Variants in ABHD8 observed in about 807,000 individuals in gnomAD.
ABHD8 encodes the protein abhydrolase domain containing 8.
In ABHD8, 10 loss-of-function variants were observed where a neutral mutation model predicts 29.3. The ratio of observed to expected loss-of-function variants is 0.34; its 90% CI spans 0.21 to 0.58. ABHD8 has a LOEUF of 0.58. Ranked by LOEUF, ABHD8 falls within the 20% of genes least tolerant of loss-of-function variation. The probability of loss-of-function intolerance (pLI) is 0.85; values close to 1 mark genes in which losing one functional copy is unlikely to be tolerated. For synonymous variants in ABHD8, 282 were observed against 274.6 expected (o/e 1.03, Z -0.27); for missense variants, 556 against 615.3 (o/e 0.90, Z 1.02).
At chr19:17,294,155 C>A in intron 4 of ABHD8, 133 bp downstream of exon 4, 1 of 1,129,488 alleles carries the variant, frequency 8.9e-7, no homozygotes, top group Non-Finnish European at 1.2e-6. Flanking sequence ...AGGCCACGCC[C>A]ACCCGGCAGC....
chr19:17,294,360 G>A lies in ABHD8; in HGVS notation c.1077C>T (p.Thr359=), dbSNP rs776978981. The change falls in exon 4 of 5, where the codon ACC becomes ACT. Residue 359 remains threonine (T), a synonymous_variant. Transcript: ENST00000247706. ...EGDEVYHAEL[T]VPVLLVHGMH... is the part of the protein sequence containing the mutation. The stretch of plus-strand genomic sequence containing the variant: ...TGCCGTGGACAAGCAGGACGGGCAC[G>A]GTGAGCTCGGCGTGGTAGACCTCGT... 2 of 1,613,620 alleles carry A rather than the reference G, an allele frequency of 1.2e-6. No individual in the cohort carries two copies. The highest frequency in any genetic ancestry group is 8.5e-7 in the Non-Finnish European group (1 of 1,180,004).
rs1433650899 is a variant in ABHD8 at position 17,294,588 on chromosome 19, C to T, written c.933-84G>A. 2.5e-6 allele frequency: 4 copies of T among 1,605,640 alleles called. No homozygotes were observed. The Admixed American group carries it at 5.0e-5, about 20-fold the overall frequency. ...CCCCCGATGCCAGCCCTAGTCCCAGCGGTACAGTCCCCCCTCCCATCCAAC... is the reference window on the plus strand; with the variant it reads ...CCCCCGATGCCAGCCCTAGTCCCAGTGGTACAGTCCCCCCTCCCATCCAAC... On this transcript the variant is annotated intron_variant, in intron 3 of 4. Coordinates refer to ENST00000247706, the MANE Select transcript of ABHD8 (RefSeq NM_024527.5).
At position 17,301,603 on chromosome 19, in the gene ABHD8, A is replaced by C; in HGVS notation, c.14T>G (p.Val5Gly). 1 of 1,554,450 alleles carries C rather than the reference A, an allele frequency of 6.4e-7. No individual in the cohort carries two copies. Residue 5 changes from valine to glycine, a missense_variant, in exon 2 of 5, where the codon GTG becomes GGG. Val to Gly is a moderately radical substitution (Grantham distance 109). Around this residue, in one of 2 missense-constraint regions of ABHD8, gnomAD observed 286 missense variants for 261.4 expected, o/e 1.09. Transcript: ENST00000247706. Reference sequence around the variant, plus strand: ...CAGGCAACAGAAGATACCGTCGGTCACCCCGGTCAGCATGGTGTGTCCTGT... The same window carrying C: ...CAGGCAACAGAAGATACCGTCGGTCCCCCCGGTCAGCATGGTGTGTCCTGT... MLTGVTDGIFCCLLG... is the reference protein window; with the variant it reads MLTGGTDGIFCCLLG...
Position 17,294,378 on chromosome 19 carries a change from G to C in ABHD8, c.1059C>G (p.Val353=). ...CGGGCACGGTGAGCTCGGCGTGGTA[G>C]ACCTCGTCGCCCTCGGGCCAGTACT... The part of the protein sequence containing the change: ...SGQYWPEGDE[V]YHAELTVPVL... Residue 353 remains valine, a synonymous_variant, in exon 4 of 5, where the codon GTC becomes GTG. Transcript: ENST00000247706. 1.2e-6 allele frequency: 2 copies of C among 1,613,942 alleles called. No individual in the cohort carries two copies. Among genetic ancestry groups the C allele is most frequent in the Non-Finnish European group, 1.7e-6 (2 of 1,180,012 alleles).
intron 4 of ABHD8, among the ~76,000 whole-genome samples, chr19:17,293,349 G>T (rs1407305444): frequency 6.6e-6 from 1 of 151,640 alleles, no homozygotes; most frequent in Non-Finnish European, 1.5e-5. Context: ...TGCCCGCCTC[G>T]GTCTCCCAAA....
At chr19:17,296,664 T>C (rs1180397524) in intron 2 of ABHD8, 1 of 152,146 alleles carries the variant, frequency 6.6e-6, no homozygotes, top group Non-Finnish European at 1.5e-5. Flanking sequence ...GTTTACACTT[T>C]TGGAGATTTG....
intron 2 of ABHD8, among the ~76,000 whole-genome samples, chr19:17,299,009 T>C (rs191640298): frequency 4.8e-4 from 73 of 152,320 alleles, no homozygotes; most frequent in African/African-American, 1.7e-3. Flanking sequence ...CCTAAAGTGC[T>C]AGGATTACAG....
Position 17,294,389 on chromosome 19 carries a change from C to T in ABHD8, c.1048G>A (p.Gly350Ser). The T allele has an allele frequency of 6.2e-7, 1 of 1,614,008 alleles. No individual in the cohort carries two copies. The highest frequency in any genetic ancestry group is 8.5e-7 in the Non-Finnish European group (1 of 1,179,998). The change falls in exon 4 of 5, where the codon GGC becomes AGC. Residue 350 changes from glycine to serine, a missense_variant. By Grantham distance (56) the Gly-to-Ser change is moderately conservative (BLOSUM62 0). This residue lies in a region of ABHD8 where 270 missense variants were observed against 353.9 expected (regional missense o/e 0.76). Coordinates refer to ENST00000247706, the MANE Select transcript of ABHD8 (RefSeq NM_024527.5). ...AMMSGQYWPE[G>S]DEVYHAELTV... ...AGCTCGGCGTGGTAGACCTCGTCGC[C>T]CTCGGGCCAGTACTGGCCGCTCATC... is the stretch of plus-strand genomic sequence containing the variant.
intron 2 of ABHD8, among the ~76,000 whole-genome samples, chr19:17,295,912 T>C (rs558063251): frequency 6.6e-6 from 1 of 152,316 alleles, no homozygotes; most frequent in African/African-American, 2.4e-5. Context: ...GGTCTCCTTA[T>C]GTTGCCCAGG....
rs968935995 is a variant in ABHD8, at chr19:17,301,526, C to G, written c.91G>C (p.Asp31His). ...VGPLESVESS[D>H]GYTFVEVKPG... ...TTGACCTCTACAAAGGTGTAGCCATCGCTGGACTCGACGCTCTCCAGTGGC... is the reference window on the plus strand; with the variant it reads ...TTGACCTCTACAAAGGTGTAGCCATGGCTGGACTCGACGCTCTCCAGTGGC... Residue 31 changes from aspartate to histidine, a missense_variant, in exon 2 of 5, where the codon GAT (aspartate) becomes CAT (histidine). Asp to His is a moderately conservative substitution (Grantham distance 81). This residue lies in a region of ABHD8 where 286 missense variants were observed against 261.4 expected (regional missense o/e 1.09). Transcript: ENST00000247706. 5 of 1,610,288 alleles carry G rather than the reference C, an allele frequency of 3.1e-6. No individual in the cohort carries two copies. Among genetic ancestry groups the G allele is most frequent in the Non-Finnish European group, 4.2e-6 (5 of 1,178,884 alleles).
At chr19:17,296,070 C>G (rs1371890076) in intron 2 of ABHD8, 3 of 152,266 alleles carry the variant, frequency 2.0e-5, no homozygotes, top group Non-Finnish European at 4.4e-5. Context: ...AGCCAAGATT[C>G]TTCCCCTGGG....
In ABHD8 at chr19:17,301,491, G is replaced by A; in HGVS notation, c.126C>T (p.Arg42=). 6.2e-7 allele frequency: 1 copy of A among 1,611,714 alleles called. No homozygotes were observed. Among genetic ancestry groups the A allele is most frequent in the Non-Finnish European group, 8.5e-7 (1 of 1,179,750 alleles). The stretch of plus-strand genomic sequence containing the variant: ...GTCCTGCATGCTTCACCCGCAGCAC[G>A]CGGCCGGGCTTGACCTCTACAAAGG... ...GYTFVEVKPG[R]VLRVKHAGPA... Residue 42 remains arginine (R), a synonymous_variant, in exon 2 of 5, where the codon CGC becomes CGT. Transcript: ENST00000247706.
chr19:17,294,654 C>A, intron 3 of ABHD8, 21 bp downstream of exon 3: 1 of 1,612,188 alleles, frequency 6.2e-7, no homozygotes, highest in Non-Finnish European at 8.5e-7. Flanking sequence ...GGATCACGGT[C>A]TTTGGGGTGG....
At position 17,301,242 on chromosome 19, in the gene ABHD8, C is replaced by T. The variant is rs1363131981; in HGVS notation, c.375G>A (p.Ala125=). 8 of 1,594,624 alleles carry T rather than the reference C, an allele frequency of 5.0e-6. No homozygotes were observed. The highest frequency in any genetic ancestry group is 6.8e-6 in the Non-Finnish European group (8 of 1,173,780). The part of the protein sequence containing the change: ...AALEVELADP[A]GSDGRLAPGS... ...CGGGGGCCAAGCGGCCATCGCTGCC[C>T]GCCGGATCTGCCAGCTCCACCTCCA... Residue 125 remains alanine, a synonymous_variant, in exon 2 of 5, where the codon GCG becomes GCA. Coordinates refer to ENST00000247706, the MANE Select transcript of ABHD8 (RefSeq NM_024527.5).
intron 2 of ABHD8, among the ~76,000 whole-genome samples, chr19:17,297,072 A>G (rs535979333): frequency 2.0e-5 from 3 of 152,206 alleles, no homozygotes; most frequent in South Asian, 2.1e-4. Context: ...AATATTCGCT[A>G]TCCGATCCTT....
Position 17,301,448 on chromosome 19 carries a change from G to C in ABHD8, c.169C>G (p.Pro57Ala), listed in dbSNP as rs1196556447. ...KHAGPAPAAAPPPPSSASSDA... is the reference protein window; with the variant it reads ...KHAGPAPAAAAPPPSSASSDA... ...GAGGATGCGGATGATGGTGGAGGTGGGGCAGCGGCTGGGGCGGGTCCTGCA... is the reference window on the plus strand; with the variant it reads ...GAGGATGCGGATGATGGTGGAGGTGCGGCAGCGGCTGGGGCGGGTCCTGCA... Residue 57 changes from proline to alanine, a missense_variant, in exon 2 of 5, where the codon CCA becomes GCA. Pro to Ala is a conservative substitution (Grantham distance 27). This residue lies in a region of ABHD8 where 286 missense variants were observed against 261.4 expected (regional missense o/e 1.09). Transcript: ENST00000247706. 4.3e-6 allele frequency: 7 copies of C among 1,611,924 alleles called. No homozygotes were observed. Among genetic ancestry groups the C allele is most frequent in the Non-Finnish European group, 8.5e-7 (1 of 1,179,812 alleles).
chr19:17,301,717 T>A (rs904794051), intron 1 of ABHD8, 93 bp from the exon 2 acceptor site: 17 of 1,386,754 alleles, frequency 1.2e-5, no homozygotes, highest in Non-Finnish European at 1.6e-5. Flanking sequence ...GAGAACTGTT[T>A]TAGACTCCAG....
intron 1 of ABHD8, 113 bp from the exon 2 acceptor site, chr19:17,301,737 C>G (rs1334473962): frequency 1.6e-5 from 20 of 1,278,308 alleles, no homozygotes; most frequent in Non-Finnish European, 1.9e-5. Context: ...GTTTGGGGAG[C>G]GCCAGATCAA....
At chr19:17,301,810 T>TGTGTGTG (rs1555721124) in intron 1 of ABHD8, among the ~76,000 whole-genome samples, 186 bp from the exon 2 acceptor site, 7 of 119,514 alleles carry the variant, frequency 5.9e-5, no homozygotes, top group African/African-American at 2.7e-4. Context: ...GTGTGTGTGT[T>TGTGTGTG]TTTGAGACAG....
Sources: allele counts gnomAD v4.1 joint callset (sites outside exome capture counted in the v4.1 genomes callset), GRCh38; gene constraint gnomAD v4.1.1; regional missense constraint gnomAD v4.1.1; transcripts MANE v1.5; gene names NCBI Gene and HGNC (gene_info 2026-07-23, HGNC 2026-07-21).